RALYL: variants seen among roughly 807,000 people sequenced by gnomAD.
The protein encoded by RALYL is RALY RNA binding protein like.
Under a neutral mutation model 35.1 loss-of-function variants are expected in RALYL, and 29 were observed. The ratio of observed to expected loss-of-function variants is 0.83; its 90% CI spans 0.61 to 1.13. The LOEUF (loss-of-function observed/expected upper bound fraction) is 1.13. Among genes scored for constraint, RALYL ranks in the 50% most tolerant of loss-of-function variants. The pLI, the probability that RALYL is intolerant of heterozygous loss-of-function variation, is 0.00. For missense variants in RALYL, 359 were observed against 360.4 expected (o/e 1.00, Z 0.03); for synonymous variants, 120 against 127.6 (o/e 0.94, Z 0.40).
intron 2 of RALYL, among the ~76,000 whole-genome samples, chr8:84,666,637 A>C (rs1832109401): frequency 6.6e-6 from 1 of 152,086 alleles, no homozygotes; most frequent in Admixed American, 6.6e-5. Flanking sequence ...GTATTTTAAA[A>C]ATTTTCCCAG....
intron 1 of RALYL, among the ~76,000 whole-genome samples, chr8:84,466,168 TC>T: frequency 1.5e-5 from 2 of 134,786 alleles, no homozygotes; most frequent in East Asian, 4.3e-4. Context: ...GGCCAGAACT[TC>T]CAACAGTATG....
intron 1 of RALYL, among the ~76,000 whole-genome samples, chr8:84,386,762 T>C (rs1337589078): frequency 6.6e-6 from 1 of 151,828 alleles, no homozygotes. Flanking sequence ...TGCAAGGCCT[T>C]TCATAATATC....
At chr8:84,757,303 G>A (rs531091863) in intron 2 of RALYL, among the ~76,000 whole-genome samples, 1 of 152,150 alleles carries the variant, frequency 6.6e-6, no homozygotes, top group East Asian at 1.9e-4. Context: ...TTGAGATTTA[G>A]CTTCAAAAGG....
intron 1 of RALYL, among the ~76,000 whole-genome samples, chr8:84,517,987 C>A (rs796972664): frequency 6.6e-6 from 1 of 152,170 alleles, no homozygotes; most frequent in African/African-American, 2.4e-5. Flanking sequence ...GCCTGGAATC[C>A]TTGTTGGCAT....
chr8:84,424,794 T>C (rs1249432772), intron 1 of RALYL, among the ~76,000 whole-genome samples: 2 of 151,732 alleles, frequency 1.3e-5, no homozygotes, highest in Non-Finnish European at 2.9e-5. Context: ...TGCAGGTCTG[T>C]TGGAATACCC....
chr8:84,915,446 C>T (rs1385904904), intron 8 of RALYL, among the ~76,000 whole-genome samples: 4 of 152,002 alleles, frequency 2.6e-5, no homozygotes, highest in East Asian at 1.9e-4. Context: ...TCTTACTGAT[C>T]GTCATACTCT....
chr8:84,815,541 A>C (rs1827014037), intron 4 of RALYL, among the ~76,000 whole-genome samples: 1 of 151,104 alleles, frequency 6.6e-6, no homozygotes, highest in Non-Finnish European at 1.5e-5. Context: ...AACATTTTTT[A>C]AGATGTTAAG....
chr8:84,861,057 T>C (rs1267798895), intron 5 of RALYL, among the ~76,000 whole-genome samples: 2 of 152,164 alleles, frequency 1.3e-5, no homozygotes, highest in Non-Finnish European at 1.5e-5. Context: ...TAACCTATTA[T>C]AGAACTTGTT....
intron 2 of RALYL, among the ~76,000 whole-genome samples, chr8:84,737,496 C>T (rs1847528761): frequency 6.6e-6 from 1 of 151,846 alleles, no homozygotes; most frequent in African/African-American, 2.4e-5. Context: ...CAGACTAGTG[C>T]TATTGGGGGA....
intron 4 of RALYL, among the ~76,000 whole-genome samples, chr8:84,815,340 TAATA>T (rs1489312582): frequency 6.7e-6 from 1 of 149,566 alleles, no homozygotes; most frequent in African/African-American, 2.4e-5. Flanking sequence ...TTTCAATATT[TAATA>T]AATGTCTATT....
chr8:84,573,763 C>A (rs28410514), intron 2 of RALYL, among the ~76,000 whole-genome samples: 4,449 of 151,948 alleles, frequency 0.029, 100 homozygotes, highest in Middle Eastern at 0.068. Context: ...TGTATTTTCT[C>A]TGATCTCTTT....
intron 1 of RALYL, among the ~76,000 whole-genome samples, chr8:84,209,199 A>G (rs1818832407): frequency 1.3e-5 from 2 of 150,164 alleles, no homozygotes; most frequent in South Asian, 4.2e-4. Context: ...TATTTTTAGG[A>G]GGTATTGTCT....
chr8:84,231,565 A>G (rs1476933390), intron 1 of RALYL, among the ~76,000 whole-genome samples: 3 of 151,624 alleles, frequency 2.0e-5, no homozygotes, highest in Non-Finnish European at 2.9e-5. Flanking sequence ...TGTAAACATG[A>G]CTCCCGGTGA....
rs1483934541 is a variant in RALYL at position 84,482,449 on chromosome 8, T to A, written c.-23-46850T>A. Among the ~76,000 whole-genome samples, 14 of 152,102 alleles carry A rather than the reference T, an allele frequency of 9.2e-5. 1 individual carries two copies. Among genetic ancestry groups the A allele is most frequent in the Admixed American group, 9.2e-4 (14 of 15,264 alleles). ...TAGCTTTCTGGTTTCCTTTTTAAAC[T>A]GTTAAATAATTGTCCTGTTTATTTG... On this transcript the variant is annotated intron_variant, in intron 1 of 8. Transcript: ENST00000521268.
chr8:84,330,156 A>C (rs959489796), intron 1 of RALYL, among the ~76,000 whole-genome samples: 1 of 152,084 alleles, frequency 6.6e-6, no homozygotes, highest in East Asian at 1.9e-4. Flanking sequence ...GGAATAAAAG[A>C]AATACAAATT....
chr8:84,293,278 C>T (rs745876416), intron 1 of RALYL, among the ~76,000 whole-genome samples: 1 of 152,094 alleles, frequency 6.6e-6, no homozygotes, highest in Admixed American at 6.6e-5. Flanking sequence ...TATTAATTAA[C>T]GTTCATATGA....
chr8:84,497,900 C>A (rs756314759), intron 1 of RALYL, among the ~76,000 whole-genome samples: 1 of 151,458 alleles, frequency 6.6e-6, no homozygotes, highest in Admixed American at 6.6e-5. Flanking sequence ...CTCAGCCTGC[C>A]AAAGTGCTGG....
chr8:84,634,929 G>A (rs918457265), intron 2 of RALYL, among the ~76,000 whole-genome samples: 1 of 151,758 alleles, frequency 6.6e-6, no homozygotes, highest in East Asian at 1.9e-4. Flanking sequence ...CTTTAATCCT[G>A]TAAACTACAC....
At chr8:84,392,017 C>A (rs763741933) in intron 1 of RALYL, among the ~76,000 whole-genome samples, 1 of 152,118 alleles carries the variant, frequency 6.6e-6, no homozygotes, top group East Asian at 1.9e-4. Flanking sequence ...GCTTTGAAAG[C>A]GGGCTGATTG....
Sources: allele counts gnomAD v4.1 joint callset (sites outside exome capture counted in the v4.1 genomes callset), GRCh38; gene constraint gnomAD v4.1.1; transcripts MANE v1.5; gene names NCBI Gene and HGNC (gene_info 2026-07-23, HGNC 2026-07-21).